RMST: variants seen among roughly 807,000 people sequenced by gnomAD.
RMST encodes long intergenic non-protein coding RNA 54.
intron 10 of RMST, among the ~76,000 whole-genome samples, chr12:97,525,677 C>T (rs1451129673): frequency 6.6e-6 from 1 of 152,080 alleles, no homozygotes; most frequent in Non-Finnish European, 1.5e-5. Flanking sequence ...TATGAAATAT[C>T]TTCATAAATA....
chr12:97,548,555 G>T (rs1367594053), intron 11 of RMST, among the ~76,000 whole-genome samples: 1 of 151,940 alleles, frequency 6.6e-6, no homozygotes, highest in Non-Finnish European at 1.5e-5. Flanking sequence ...ATAGTTTTCA[G>T]TGTGTAGGTT....
intron 11 of RMST, among the ~76,000 whole-genome samples, chr12:97,536,631 A>G (rs1252111507): frequency 6.6e-6 from 1 of 151,526 alleles, no homozygotes; most frequent in Non-Finnish European, 1.5e-5. Flanking sequence ...ATTAAGATAA[A>G]AGTAGGGACA....
At chr12:97,556,550 TG>T (rs1883720949) in intron 11 of RMST, among the ~76,000 whole-genome samples, 1 of 152,218 alleles carries the variant, frequency 6.6e-6, no homozygotes, top group Admixed American at 6.6e-5. Flanking sequence ...ACTGTGATTC[TG>T]GGGAGATATC....
rs951011344 is a variant in RMST, at chr12:97,469,544, A to G, written n.644+3817A>G. 8.5e-5 allele frequency among the ~76,000 whole-genome samples: 13 copies of G among 152,112 alleles called. No individual in the cohort carries two copies. The South Asian group carries it at 1.0e-3, about 12-fold the overall frequency. Reference sequence around the variant, plus strand: ...CTAATTTAATTTTCTCAGTCACTTTATGAGAATGGTATCATCATTACGTTT... The same window carrying G: ...CTAATTTAATTTTCTCAGTCACTTTGTGAGAATGGTATCATCATTACGTTT... On this transcript the variant is annotated intron_variant and non_coding_transcript_variant, in intron 5 of 13. Transcript: ENST00000640149.
chr12:97,550,011 TG>T (rs890775067), intron 11 of RMST, among the ~76,000 whole-genome samples: 3 of 152,242 alleles, frequency 2.0e-5, no homozygotes, highest in Non-Finnish European at 4.4e-5. Context: ...ATACAATGTT[TG>T]TTAAGTAATT....
At chr12:97,561,722 GC>G (rs1397213291) in intron 13 of RMST, among the ~76,000 whole-genome samples, 1 of 126,854 alleles carries the variant, frequency 7.9e-6, no homozygotes, top group East Asian at 2.7e-4. Context: ...CCAGCTCCGT[GC>G]CCAGGTCTAC....
At chr12:97,493,665 A>G (rs1303065951) in intron 7 of RMST, among the ~76,000 whole-genome samples, 1 of 152,208 alleles carries the variant, frequency 6.6e-6, no homozygotes, top group Non-Finnish European at 1.5e-5. Flanking sequence ...GTTTCCAAGA[A>G]AAAGCATATT....
intron 5 of RMST, among the ~76,000 whole-genome samples, chr12:97,472,586 C>G (rs1052353499): frequency 2.6e-5 from 4 of 152,112 alleles, no homozygotes; most frequent in Admixed American, 2.0e-4. Flanking sequence ...TTTATAAACA[C>G]TTTAAACTCC....
At chr12:97,499,334 CA>C (rs1419350273) in intron 10 of RMST, among the ~76,000 whole-genome samples, 2 of 151,936 alleles carry the variant, frequency 1.3e-5, no homozygotes, top group Non-Finnish European at 2.9e-5. Context: ...AATTGTTTTT[CA>C]CATATCCGAC....
At chr12:97,538,792 G>A (rs1257585773) in intron 11 of RMST, among the ~76,000 whole-genome samples, 2 of 151,242 alleles carry the variant, frequency 1.3e-5, no homozygotes, top group African/African-American at 2.4e-5. Context: ...CCAAAGTTTT[G>A]TGTAATTTGG....
intron 11 of RMST, among the ~76,000 whole-genome samples, chr12:97,537,979 A>T (rs889186507): frequency 3.3e-5 from 5 of 151,418 alleles, no homozygotes; most frequent in Admixed American, 6.6e-5. Context: ...TTCTTGATCA[A>T]TATATTTGAA....
At chr12:97,563,695 T>C (rs938758897) in intron 13 of RMST, 1 of 431,666 alleles carries the variant, frequency 2.3e-6, no homozygotes, top group Non-Finnish European at 4.6e-6. Context: ...ACAATTCAAG[T>C]GTGCTTCCTG....
intron 5 of RMST, among the ~76,000 whole-genome samples, chr12:97,466,479 A>G (rs1873210644): frequency 6.6e-6 from 1 of 152,148 alleles, no homozygotes; most frequent in Non-Finnish European, 1.5e-5. Context: ...TCTATTATGT[A>G]TATGAACACA....
intron 10 of RMST, among the ~76,000 whole-genome samples, chr12:97,529,734 A>G (rs1354142027): frequency 6.6e-6 from 1 of 152,114 alleles, no homozygotes; most frequent in Non-Finnish European, 1.5e-5. Context: ...ATCATTTTGT[A>G]GGAATGCTTC....
At chr12:97,546,890 C>T (rs1882975563) in intron 11 of RMST, among the ~76,000 whole-genome samples, 1 of 151,984 alleles carries the variant, frequency 6.6e-6, no homozygotes, top group African/African-American at 2.4e-5. Flanking sequence ...CAGTAGGTCT[C>T]TTGGACTAAT....
intron 7 of RMST, chr12:97,493,315 T>C (rs1051762873): frequency 2.6e-5 from 4 of 152,578 alleles, no homozygotes; most frequent in Admixed American, 6.6e-5. Flanking sequence ...TCCTTTCCCA[T>C]GCCTGCAGAA....
intron 10 of RMST, among the ~76,000 whole-genome samples, chr12:97,507,450 T>C (rs545203310): frequency 6.6e-6 from 1 of 152,228 alleles, no homozygotes; most frequent in Admixed American, 6.5e-5. Flanking sequence ...ACAGACTAGA[T>C]TCAATAAACA....
At chr12:97,552,843 G>C (rs1883397973) in intron 11 of RMST, among the ~76,000 whole-genome samples, 1 of 152,168 alleles carries the variant, frequency 6.6e-6, no homozygotes, top group South Asian at 2.1e-4. Context: ...TTTGTTAGTA[G>C]AAGAGTTTGC....
intron 10 of RMST, among the ~76,000 whole-genome samples, chr12:97,514,652 C>G (rs1455063641): frequency 1.3e-5 from 2 of 149,974 alleles, no homozygotes; most frequent in African/African-American, 5.0e-5. Flanking sequence ...CCTGTTCATT[C>G]TTGGAAAGTA....
Sources: gnomAD v4.1 joint callset for allele counts (sites outside exome capture counted in the v4.1 genomes callset) on GRCh38, gnomAD v4.1.1 for gene constraint, MANE v1.5 for transcripts, NCBI Gene and HGNC (gene_info 2026-07-23, HGNC 2026-07-21) for gene names.